The following TMC7 variants were observed in gnomAD, a reference collection of about 807,000 sequenced individuals.
The protein encoded by TMC7 is transmembrane channel like 7.
A neutral mutation model predicts 82.9 loss-of-function variants in TMC7; 54 were observed. The observed-to-expected ratio is 0.65, with a 90% CI of 0.52 to 0.82. TMC7 has a LOEUF of 0.82. Ranked by LOEUF, TMC7 falls within the 40% of genes least tolerant of loss-of-function variation. The pLI is 0.00. For missense variants in TMC7, 820 were observed against 901.2 expected (o/e 0.91, Z 1.15); for synonymous variants, 350 against 337.9 (o/e 1.04, Z -0.39).
At chr16:19,015,198 A>G (rs1323493620) in intron 2 of TMC7, among the ~76,000 whole-genome samples, 1 of 151,598 alleles carries the variant, frequency 6.6e-6, no homozygotes, top group African/African-American at 2.4e-5. Context: ...TCCTGGCTTC[A>G]TGTGATCTGC....
Position 19,056,112 on chromosome 16 carries a change from G to A in TMC7, c.1872-430G>A, listed in dbSNP as rs146136029. Among the ~76,000 whole-genome samples the A allele has an allele frequency of 7.2e-3, 1,070 of 149,216 alleles. 8 individuals are homozygous for A. The highest frequency in any genetic ancestry group is 0.021 in the Middle Eastern group (6 of 292). On this transcript the variant is annotated intron_variant, in intron 13 of 15. Transcript: ENST00000304381. ...TTTCTTTCTTTTTTTTTTTTGAGAC[G>A]GAGTTTTGCCCTTGTTGCCCAGGCT...
intron 1 of TMC7, among the ~76,000 whole-genome samples, chr16:18,985,423 A>G (rs1228719315): frequency 1.3e-5 from 2 of 152,200 alleles, no homozygotes; most frequent in Non-Finnish European, 2.9e-5. Flanking sequence ...ATTATTTTCT[A>G]GCTCAATATT....
chr16:19,012,885 C>T (rs116336749), intron 2 of TMC7, among the ~76,000 whole-genome samples: 1,960 of 148,362 alleles, frequency 0.013, 37 homozygotes, highest in African/African-American at 0.044. Context: ...GACGGGATCT[C>T]GGCTCACTGC....
At chr16:19,051,958 A>C (rs1961561355) in intron 13 of TMC7, 142 bp downstream of exon 13, 21 of 1,149,814 alleles carry the variant, frequency 1.8e-5, no homozygotes, top group Non-Finnish European at 2.1e-5. Flanking sequence ...GTGGTGGCGC[A>C]GTCTTGGCTC....
intron 4 of TMC7, among the ~76,000 whole-genome samples, chr16:19,022,780 G>A (rs557148727): frequency 1.9e-4 from 29 of 152,346 alleles, no homozygotes; most frequent in Admixed American, 2.6e-4. Context: ...TGTAATCCCA[G>A]CACTTTGGGA....
At chr16:19,035,935 G>A (rs769586098) in intron 7 of TMC7, 112 bp downstream of exon 7, 3 of 1,252,838 alleles carry the variant, frequency 2.4e-6, no homozygotes, top group Non-Finnish European at 3.3e-6. Context: ...GTTGTCCCTG[G>A]TACTTAGCAA....
At chr16:18,997,177 G>A (rs541852399) in intron 1 of TMC7, among the ~76,000 whole-genome samples, 2 of 152,210 alleles carry the variant, frequency 1.3e-5, no homozygotes, top group African/African-American at 2.4e-5. Context: ...GAGTCCTCCC[G>A]TCCTGGGTTT....
chr16:19,059,968 C>T (rs1961934547), intron 15 of TMC7: 4 of 330,258 alleles, frequency 1.2e-5, no homozygotes, highest in Non-Finnish European at 1.2e-5. Flanking sequence ...CAGAGTGAGA[C>T]TCCATCTTAA....
intron 12 of TMC7, among the ~76,000 whole-genome samples, chr16:19,050,318 G>A (rs911221724): frequency 4.7e-4 from 59 of 126,308 alleles, no homozygotes; most frequent in Admixed American, 5.9e-4. Flanking sequence ...AGTGAGCCGA[G>A]ATCGCGCTAC....
chr16:19,016,531 C>G lies in TMC7; in HGVS notation c.393C>G (p.Phe131Leu). 6.2e-7 allele frequency: 1 copy of G among 1,614,146 alleles called. No homozygotes were observed. Among genetic ancestry groups the G allele is most frequent in the Non-Finnish European group, 8.5e-7 (1 of 1,180,018 alleles). The change falls in exon 3 of 16, where the codon TTC becomes TTG. Residue 131 changes from phenylalanine (F) to leucine (L), a missense_variant. By Grantham distance (22) the Phe-to-Leu change is conservative. Around this residue, in one of 2 missense-constraint regions of TMC7, gnomAD observed 650 missense variants for 669.9 expected, o/e 0.97. Transcript: ENST00000304381. Reference sequence around the variant, plus strand: ...ATAGCAGCAAGTCTTGGAAGAGGTTCCTAGAGAAGGCTCGAGAGATGACGA... The same window carrying G: ...ATAGCAGCAAGTCTTGGAAGAGGTTGCTAGAGAAGGCTCGAGAGATGACGA... ...KRYSSKSWKR[F>L]LEKAREMTTH...
intron 1 of TMC7, among the ~76,000 whole-genome samples, chr16:18,998,384 C>A (rs35662553): frequency 6.6e-6 from 1 of 151,982 alleles, no homozygotes; most frequent in South Asian, 2.1e-4. Context: ...AACTGCCAGG[C>A]CTTGCCACCT....
At chr16:18,993,983 C>A (rs538733202) in intron 1 of TMC7, among the ~76,000 whole-genome samples, 1 of 152,054 alleles carries the variant, frequency 6.6e-6, no homozygotes, top group Non-Finnish European at 1.5e-5. Context: ...CAAGTGTGAT[C>A]AGGGTAAGGA....
intron 6 of TMC7, among the ~76,000 whole-genome samples, chr16:19,035,276 G>A (rs1960692813): frequency 1.3e-5 from 2 of 152,208 alleles, no homozygotes; most frequent in South Asian, 2.1e-4. Context: ...GAATCCTAGA[G>A]TGGAGAGGGA....
intron 8 of TMC7, 132 bp from the exon 9 acceptor site, chr16:19,040,157 C>T: frequency 2.1e-6 from 1 of 484,518 alleles, no homozygotes. Context: ...ATGACTTATG[C>T]TTACAGGCCA....
intron 1 of TMC7, among the ~76,000 whole-genome samples, chr16:18,997,799 G>C (rs1461029952): frequency 2.7e-5 from 4 of 148,886 alleles, no homozygotes; most frequent in Non-Finnish European, 4.4e-5. Context: ...GTACGATCTC[G>C]GCTCACTGCA....
At position 19,059,500 on chromosome 16, in the gene TMC7, G is replaced by A; in HGVS notation, c.2106+6G>A. ...TCCGAGAGCAGCTATCCCTGGTAAG[G>A]AAGCATAGCTCCAGAGGGTCATGGC... On this transcript the variant is annotated splice_donor_region_variant and intron_variant, in intron 15 of 15. Transcript: ENST00000304381. 1.9e-6 allele frequency: 3 copies of A among 1,614,142 alleles called. No homozygotes were observed. The highest frequency in any genetic ancestry group is 2.5e-6 in the Non-Finnish European group (3 of 1,180,026).
intron 13 of TMC7, among the ~76,000 whole-genome samples, chr16:19,054,847 C>T (rs570276110): frequency 6.8e-6 from 1 of 147,498 alleles, no homozygotes; most frequent in Non-Finnish European, 1.5e-5. Flanking sequence ...CAGGTTCAAG[C>T]GATTCTCCTG....
intron 6 of TMC7, among the ~76,000 whole-genome samples, chr16:19,031,439 A>G (rs1409713264): frequency 6.6e-6 from 1 of 152,194 alleles, no homozygotes; most frequent in Non-Finnish European, 1.5e-5. Context: ...CCAAGAAAAG[A>G]GAAGAGTATT....
At chr16:19,030,847 A>C (rs1344971594) in intron 6 of TMC7, among the ~76,000 whole-genome samples, 1 of 152,090 alleles carries the variant, frequency 6.6e-6, no homozygotes, top group Non-Finnish European at 1.5e-5. Flanking sequence ...TTCTGGGATT[A>C]CAGGTGTGAG....
Sources: gnomAD v4.1 joint callset for allele counts (sites outside exome capture counted in the v4.1 genomes callset) on GRCh38, gnomAD v4.1.1 for gene constraint, gnomAD v4.1.1 regional missense constraint, MANE v1.5 for transcripts, NCBI Gene and HGNC (gene_info 2026-07-23, HGNC 2026-07-21) for gene names.